ZRANB3: variants seen among roughly 807,000 people sequenced by gnomAD.
ZRANB3 encodes zinc finger RANBP2-type containing 3.
Under a neutral mutation model 133.8 loss-of-function variants are expected in ZRANB3, and 125 were observed. The ratio of observed to expected loss-of-function variants is 0.93; its 90% CI spans 0.81 to 1.08. The LOEUF (loss-of-function observed/expected upper bound fraction) is 1.08. Among genes scored for constraint, ZRANB3 ranks in the 50% least tolerant of loss-of-function variants. The pLI is 0.00. For synonymous variants in ZRANB3, 387 were observed against 432.7 expected (o/e 0.89, Z 1.31); for missense variants, 1,229 against 1,275.5 (o/e 0.96, Z 0.56).
chr2:135,494,513 A>G (rs1321958097), intron 2 of ZRANB3, among the ~76,000 whole-genome samples: 1 of 152,168 alleles, frequency 6.6e-6, no homozygotes, highest in Non-Finnish European at 1.5e-5. Flanking sequence ...AATCCAAGAG[A>G]GGGAAAATCA....
chr2:135,330,871 T>C (rs1163320725), intron 6 of ZRANB3, among the ~76,000 whole-genome samples: 1 of 152,230 alleles, frequency 6.6e-6, no homozygotes. Context: ...CGGTAGTTTG[T>C]ATTTCCGTGG....
chr2:135,347,842 G>A (rs1300816986), intron 5 of ZRANB3, among the ~76,000 whole-genome samples: 1 of 152,128 alleles, frequency 6.6e-6, no homozygotes, highest in African/African-American at 2.4e-5. Context: ...AAAATTAATA[G>A]TTGCATATGA....
At chr2:135,482,808 TGA>T (rs756259862) in intron 2 of ZRANB3, among the ~76,000 whole-genome samples, 2 of 152,232 alleles carry the variant, frequency 1.3e-5, no homozygotes, top group Non-Finnish European at 2.9e-5. Context: ...CCTAATTTAT[TGA>T]GAGTTTTCAG....
rs940187833 is a variant in ZRANB3 at position 135,480,115 on chromosome 2, T to G, written c.161+24214A>C. ...TGTCAGGCTAATTTTTTTTTTTTTTTGTATTTTTAGTAGAGATGGGGTTTC... is the reference window on the plus strand; with the variant it reads ...TGTCAGGCTAATTTTTTTTTTTTTTGGTATTTTTAGTAGAGATGGGGTTTC... On this transcript the variant is annotated intron_variant, in intron 2 of 20. Transcript: ENST00000264159. 4.0e-5 allele frequency among the ~76,000 whole-genome samples: 6 copies of G among 148,532 alleles called. No homozygotes were observed. In the Admixed American group the frequency reaches 4.1e-4, roughly 10 times the overall value.
In ZRANB3 at chr2:135,350,049, T is replaced by C; in HGVS notation, c.526A>G (p.Ile176Val). 2.5e-6 allele frequency: 4 copies of C among 1,613,876 alleles called. No individual in the cohort carries two copies. Among genetic ancestry groups the C allele is most frequent in the Non-Finnish European group, 2.5e-6 (3 of 1,179,868 alleles). ...NATRSRILLP[I>V]VQKARRAILL... Reference sequence around the variant, plus strand: ...ATGGCTCGTCTGGCTTTCTGTACTATTGGCAATAAAATCCTGCTGCGAGTT... The same window carrying C: ...ATGGCTCGTCTGGCTTTCTGTACTACTGGCAATAAAATCCTGCTGCGAGTT... Residue 176 changes from isoleucine (I) to valine (V), a missense_variant, in exon 5 of 21, where the codon ATA becomes GTA. Ile to Val is a conservative substitution (Grantham distance 29, BLOSUM62 3). Transcript: ENST00000264159.
At chr2:135,371,356 T>A (rs1686169341) in intron 3 of ZRANB3, among the ~76,000 whole-genome samples, 1 of 152,234 alleles carries the variant, frequency 6.6e-6, no homozygotes, top group Non-Finnish European at 1.5e-5. Context: ...TAGGGTGAGA[T>A]GATGCTATTA....
At chr2:135,343,211 A>G (rs1478037232) in intron 6 of ZRANB3, among the ~76,000 whole-genome samples, 1 of 144,630 alleles carries the variant, frequency 6.9e-6, no homozygotes, top group East Asian at 2.0e-4. Context: ...AAAAACAGGG[A>G]GGGTAAATGC....
In ZRANB3 at chr2:135,230,777, T is replaced by C; in HGVS notation, c.1690A>G (p.Ile564Val). The C allele has an allele frequency of 6.2e-7, 1 of 1,613,926 alleles. No homozygotes were observed. Among genetic ancestry groups the C allele is most frequent in the Non-Finnish European group, 8.5e-7 (1 of 1,179,894 alleles). ...TCAACATCACTTTCATAATCGATGA[T>C]ATCTCTTGCAGCTGTTTTTGTAGGG... ...SDPTKTAARD[I>V]IDYESDVEPE... The change falls in exon 13 of 21, where the codon ATC (isoleucine) becomes GTC (valine). Residue 564 changes from isoleucine (I) to valine (V), a missense_variant. Ile to Val is a conservative substitution (Grantham distance 29, BLOSUM62 3). Coordinates refer to ENST00000264159, the MANE Select transcript of ZRANB3 (RefSeq NM_032143.4).
intron 2 of ZRANB3, among the ~76,000 whole-genome samples, chr2:135,478,216 T>C (rs1415974863): frequency 6.6e-6 from 1 of 152,092 alleles, no homozygotes; most frequent in African/African-American, 2.4e-5. Flanking sequence ...GTATATATAA[T>C]GAAAAGCAAA....
intron 3 of ZRANB3, among the ~76,000 whole-genome samples, chr2:135,386,750 C>G (rs1241982489): frequency 2.0e-5 from 3 of 152,046 alleles, no homozygotes; most frequent in Non-Finnish European, 4.4e-5. Context: ...AGACAGAAAA[C>G]TAAACACCGC....
intron 2 of ZRANB3, among the ~76,000 whole-genome samples, chr2:135,469,190 G>C (rs1005812435): frequency 2.0e-5 from 3 of 151,840 alleles, no homozygotes; most frequent in Admixed American, 6.6e-5. Flanking sequence ...TTTTCTAAGT[G>C]TTCAACACAT....
At chr2:135,333,263 C>G (rs1374188907) in intron 6 of ZRANB3, among the ~76,000 whole-genome samples, 2 of 152,026 alleles carry the variant, frequency 1.3e-5, no homozygotes, top group African/African-American at 4.8e-5. Context: ...ACAAGGCAAA[C>G]TCTCAACTTC....
Position 135,230,723 on chromosome 2 carries a change from C to T in ZRANB3, c.1744G>A (p.Ala582Thr). 6.2e-7 allele frequency: 1 copy of T among 1,612,688 alleles called. No homozygotes were observed. Among genetic ancestry groups the T allele is most frequent in the Non-Finnish European group, 8.5e-7 (1 of 1,179,486 alleles). Residue 582 changes from alanine (A) to threonine (T), a missense_variant, in exon 13 of 21, where the codon GCC (alanine) becomes ACC (threonine). Physicochemically the swap from Ala to Thr is moderately conservative, Grantham distance 58 (BLOSUM62 0). Coordinates refer to ENST00000264159, the MANE Select transcript of ZRANB3 (RefSeq NM_032143.4). ...GACGGACTGCAGTGGTCTTCCGAGG[C>T]AGCCAATTTCAATCTTTTCGTTTCA... ...EPETKRLKLAASEDHCSPSEE... is the reference protein window; with the variant it reads ...EPETKRLKLATSEDHCSPSEE...
chr2:135,235,037 G>T (rs1329461840), intron 12 of ZRANB3, among the ~76,000 whole-genome samples: 2 of 151,870 alleles, frequency 1.3e-5, no homozygotes, highest in African/African-American at 4.8e-5. Context: ...TTGATAGACC[G>T]CTAGCAGGAC....
chr2:135,526,187 G>A (rs1329578928), intron 1 of ZRANB3, among the ~76,000 whole-genome samples: 18 of 136,720 alleles, frequency 1.3e-4, no homozygotes, highest in Admixed American at 7.2e-4. Flanking sequence ...TTTTTGAGAC[G>A]GAGTCTCACT....
At chr2:135,345,469 A>C (rs78618351) in intron 6 of ZRANB3, 81 bp downstream of exon 6, 3 of 480,680 alleles carry the variant, frequency 6.2e-6, no homozygotes, top group Admixed American at 4.5e-5. Context: ...ACTCTGTCTC[A>C]AAAAAAAAAA....
intron 4 of ZRANB3, among the ~76,000 whole-genome samples, chr2:135,352,345 AATT>A (rs1685246446): frequency 6.6e-6 from 1 of 151,116 alleles, no homozygotes; most frequent in African/African-American, 2.5e-5. Flanking sequence ...AAAAAAAAAA[AATT>A]AATTAATTAA....
At chr2:135,428,397 G>C (rs1689182519) in intron 2 of ZRANB3, among the ~76,000 whole-genome samples, 1 of 137,566 alleles carries the variant, frequency 7.3e-6, no homozygotes, top group Non-Finnish European at 1.5e-5. Context: ...TTACACTCCA[G>C]CCTGGGTGAC....
At chr2:135,484,196 CCAGA>C (rs1315849732) in intron 2 of ZRANB3, among the ~76,000 whole-genome samples, 1 of 151,872 alleles carries the variant, frequency 6.6e-6, no homozygotes, top group Admixed American at 6.6e-5. Context: ...CTTTTCTTCC[CCAGA>C]CAGACAATTA....
Sources: gnomAD v4.1 joint callset for allele counts (sites outside exome capture counted in the v4.1 genomes callset) on GRCh38, gnomAD v4.1.1 for gene constraint, MANE v1.5 for transcripts, NCBI Gene and HGNC (gene_info 2026-07-23, HGNC 2026-07-21) for gene names.